HHAT: variants seen among roughly 807,000 people sequenced by gnomAD.
HHAT encodes the protein protein-cysteine N-palmitoyltransferase HHAT.
A neutral mutation model predicts 70.8 loss-of-function variants in HHAT; 47 were observed. The observed-to-expected ratio is 0.66, with a 90% CI of 0.53 to 0.85. The LOEUF (loss-of-function observed/expected upper bound fraction) is 0.85, where lower values mean the gene tolerates loss of function less well. Among genes scored for constraint, HHAT ranks in the 40% least tolerant of loss-of-function variants. The pLI is 0.00. For synonymous variants in HHAT, 228 were observed against 247.6 expected, an observed-to-expected ratio of 0.92 and a Z score of 0.74; for missense variants, 609 against 604.8, an observed-to-expected ratio of 1.01 and a Z score of -0.07.
At chr1:210,507,072 G>A (rs915187456) in intron 8 of HHAT, among the ~76,000 whole-genome samples, 3 of 152,116 alleles carry the variant, frequency 2.0e-5, no homozygotes, top group Non-Finnish European at 2.9e-5. Context: ...TGAGTCTGTG[G>A]TTGAATATAT....
rs148567191 is a variant in HHAT at position 210,530,350 on chromosome 1, G to C, written c.1043+17162G>C. On this transcript the variant is annotated intron_variant, in intron 9 of 11. Transcript: ENST00000261458. ...ACCTTAAAAGGTGAGGGTAACATGA[G>C]TAAAGGGGTATAAACAAGGGTTGGG... Among the ~76,000 whole-genome samples, 198 of 152,160 alleles carry C rather than the reference G, an allele frequency of 1.3e-3. 1 individual carries two copies. The highest frequency in any genetic ancestry group is 4.6e-3 in the African/African-American group (190 of 41,440).
At chr1:210,340,758 C>T (rs1486400106) in intron 1 of HHAT, among the ~76,000 whole-genome samples, 1 of 152,060 alleles carries the variant, frequency 6.6e-6, no homozygotes, top group African/African-American at 2.4e-5. Context: ...TTTAAAAATT[C>T]TATTACATTT....
At chr1:210,538,207 C>T (rs1175787984) in intron 9 of HHAT, among the ~76,000 whole-genome samples, 11 of 151,754 alleles carry the variant, frequency 7.2e-5, no homozygotes. Context: ...GCAATGTATT[C>T]CTCATTGATA....
chr1:210,637,583 C>T (rs773661061), intron 11 of HHAT, among the ~76,000 whole-genome samples: 30 of 152,166 alleles, frequency 2.0e-4, no homozygotes, highest in Non-Finnish European at 3.7e-4. Context: ...AATGGGCAAC[C>T]GGGCATGGTG....
At chr1:210,663,519 C>T (rs922780626) in intron 11 of HHAT, among the ~76,000 whole-genome samples, 3 of 152,212 alleles carry the variant, frequency 2.0e-5, no homozygotes, top group Admixed American at 2.0e-4. Flanking sequence ...GTTTCCGTAT[C>T]TACTAAATGG....
At chr1:210,454,306 C>T (rs576560979) in intron 7 of HHAT, among the ~76,000 whole-genome samples, 14 of 152,316 alleles carry the variant, frequency 9.2e-5, no homozygotes, top group African/African-American at 3.1e-4. Flanking sequence ...GTAATCCCAG[C>T]ACTTCGGGAG....
At chr1:210,630,479 G>T (rs1250483804) in intron 11 of HHAT, among the ~76,000 whole-genome samples, 2 of 152,210 alleles carry the variant, frequency 1.3e-5, no homozygotes, top group Non-Finnish European at 2.9e-5. Context: ...CCTGTCAAAA[G>T]AAATAATAAT....
chr1:210,557,527 T>C (rs903958879), intron 9 of HHAT, among the ~76,000 whole-genome samples: 2 of 152,174 alleles, frequency 1.3e-5, no homozygotes, highest in African/African-American at 4.8e-5. Context: ...TGATAAAACA[T>C]GCCCAAGACT....
At chr1:210,379,121 G>C (rs529015939) in intron 3 of HHAT, among the ~76,000 whole-genome samples, 8 of 152,350 alleles carry the variant, frequency 5.3e-5, no homozygotes, top group African/African-American at 1.9e-4. Context: ...ATAGCTCCTT[G>C]CTTGAGAACC....
intron 11 of HHAT, among the ~76,000 whole-genome samples, chr1:210,639,383 G>A (rs982789762): frequency 2.0e-5 from 3 of 152,206 alleles, no homozygotes; most frequent in African/African-American, 7.2e-5. Context: ...GGCATTTCCA[G>A]TGTCCTTGTG....
chr1:210,393,382 G>C (rs754046748), intron 4 of HHAT, among the ~76,000 whole-genome samples: 23 of 152,194 alleles, frequency 1.5e-4, no homozygotes, highest in Non-Finnish European at 3.2e-4. Flanking sequence ...TTTCAAGCTT[G>C]TCTTGGGTCC....
intron 11 of HHAT, among the ~76,000 whole-genome samples, chr1:210,633,560 C>T (rs1671282880): frequency 6.6e-6 from 1 of 152,210 alleles, no homozygotes; most frequent in Non-Finnish European, 1.5e-5. Flanking sequence ...GTCCCGGATG[C>T]ACCAATAAGC....
chr1:210,452,675 G>A (rs2093778425), intron 7 of HHAT, among the ~76,000 whole-genome samples: 1 of 152,218 alleles, frequency 6.6e-6, no homozygotes, highest in Non-Finnish European at 1.5e-5. Flanking sequence ...ATTAAGAGGA[G>A]CAAAGACAGT....
At chr1:210,333,157 T>A (rs1012719134) in intron 1 of HHAT, among the ~76,000 whole-genome samples, 1 of 152,228 alleles carries the variant, frequency 6.6e-6, no homozygotes, top group African/African-American at 2.4e-5. Flanking sequence ...CCAGGCAGCA[T>A]TAAGCTACTT....
intron 9 of HHAT, among the ~76,000 whole-genome samples, chr1:210,586,124 T>C (rs1188594642): frequency 6.6e-6 from 1 of 152,138 alleles, no homozygotes; most frequent in African/African-American, 2.4e-5. Flanking sequence ...TAAGTTGTTT[T>C]TATTTTTAGC....
At chr1:210,360,126 A>T (rs1015878582) in intron 2 of HHAT, among the ~76,000 whole-genome samples, 1 of 152,292 alleles carries the variant, frequency 6.6e-6, no homozygotes, top group African/African-American at 2.4e-5. Flanking sequence ...TATCAACTAC[A>T]TTCTGCAGCT....
At chr1:210,382,706 T>C (rs1198072286) in intron 3 of HHAT, among the ~76,000 whole-genome samples, 1 of 152,226 alleles carries the variant, frequency 6.6e-6, no homozygotes, top group African/African-American at 2.4e-5. Flanking sequence ...ACTCTGGAGC[T>C]GACATTTGAA....
At chr1:210,393,088 G>T (rs1317125663) in intron 4 of HHAT, among the ~76,000 whole-genome samples, 1 of 152,092 alleles carries the variant, frequency 6.6e-6, no homozygotes, top group Non-Finnish European at 1.5e-5. Context: ...CCTTAAACAA[G>T]TTCCTGAATA....
chr1:210,591,359 T>C (rs1661658503), intron 10 of HHAT, among the ~76,000 whole-genome samples: 1 of 152,146 alleles, frequency 6.6e-6, no homozygotes, highest in Non-Finnish European at 1.5e-5. Flanking sequence ...GTTCCATCCA[T>C]GTTGTTGCAA....
Sources: allele counts gnomAD v4.1 joint callset (sites outside exome capture counted in the v4.1 genomes callset), GRCh38; gene constraint gnomAD v4.1.1; transcripts MANE v1.5; gene names NCBI Gene and HGNC (gene_info 2026-07-23, HGNC 2026-07-21).